BMPR1A: variants seen among roughly 807,000 people sequenced by gnomAD.
BMPR1A encodes bone morphogenetic protein receptor type-1A.
BMPR1A carries 7 observed loss-of-function variants against 66.0 expected under a neutral mutation model. The observed-to-expected ratio is 0.11, with a 90% confidence interval of 0.06 to 0.20. The LOEUF is 0.20. Ranked by LOEUF, BMPR1A falls within the 10% of genes least tolerant of loss-of-function variation. BMPR1A has a pLI of 1.00. For missense variants in BMPR1A, 408 were observed against 669.1 expected (o/e 0.61, Z 4.31); for synonymous variants, 200 against 229.7 (o/e 0.87, Z 1.17).
intron 1 of BMPR1A, among the ~76,000 whole-genome samples, 176 bp from the exon 2 acceptor site, chr10:86,838,688 GC>G (rs1842386207): frequency 6.6e-6 from 1 of 151,904 alleles, no homozygotes; most frequent in African/African-American, 2.4e-5. Flanking sequence ...TAAAGCTTGG[GC>G]AGAGGTTGAG....
At chr10:86,832,480 AAAG>A (rs1842284562) in intron 1 of BMPR1A, among the ~76,000 whole-genome samples, 4 of 152,086 alleles carry the variant, frequency 2.6e-5, no homozygotes, top group Admixed American at 2.6e-4. Context: ...AAAAAAAAAA[AAAG>A]AAATCATTGA....
intron 7 of BMPR1A, among the ~76,000 whole-genome samples, chr10:86,911,154 CAAA>C (rs35449069): frequency 7.2e-5 from 6 of 82,850 alleles, no homozygotes; most frequent in Admixed American, 1.4e-4. Context: ...GACCCTGTCT[CAAA>C]AAAAAAAAAA....
chr10:86,842,644 G>T (rs1252593636), intron 2 of BMPR1A, among the ~76,000 whole-genome samples: 1 of 152,124 alleles, frequency 6.6e-6, no homozygotes, highest in African/African-American at 2.4e-5. Flanking sequence ...TGATGGTTGT[G>T]TTAGTCAGTT....
chr10:86,764,464 TG>T (rs1238198173), intron 1 of BMPR1A, among the ~76,000 whole-genome samples: 5 of 149,374 alleles, frequency 3.3e-5, no homozygotes, highest in African/African-American at 1.2e-4. Context: ...AATAAAAATG[TG>T]GGGGAAAAAT....
rs1022061668 is a variant in BMPR1A, at chr10:86,921,028, G to T, written c.1167-492G>T. Among the ~76,000 whole-genome samples the T allele has an allele frequency of 9.9e-5, 15 of 151,820 alleles. No individual in the cohort carries two copies. In the East Asian group the frequency reaches 1.4e-3, roughly 14 times the overall value. The stretch of plus-strand genomic sequence containing the variant: ...GTGCCACCAACCCTGGTTAACTTTT[G>T]TATTTTATAGAGACAGTGTTTTACC... On this transcript the variant is annotated intron_variant, in intron 10 of 12. Transcript: ENST00000372037.
Position 86,876,638 on chromosome 10 carries a change from C to CCAGGTGTGATGA in BMPR1A, c.67+554_67+555insAGGTGTGATGAC, listed in dbSNP as rs543700655. On this transcript the variant is annotated intron_variant, in intron 3 of 12. Coordinates refer to ENST00000372037, the MANE Select transcript of BMPR1A (RefSeq NM_004329.3). ...CTTTACCAAAAAATACAAAAATTAG[C>CCAGGTGTGATGA]CGGGGGCCTGTAATCCCAGCTACTC... is the stretch of plus-strand genomic sequence containing the variant. Among the ~76,000 whole-genome samples, 16 of 151,950 alleles carry CCAGGTGTGATGA rather than the reference C, an allele frequency of 1.1e-4. No individual in the cohort carries two copies. In the East Asian group the frequency reaches 1.4e-3, roughly 13 times the overall value.
chr10:86,765,102 T>C (rs149858588), intron 1 of BMPR1A, among the ~76,000 whole-genome samples: 19 of 152,246 alleles, frequency 1.2e-4, no homozygotes, highest in African/African-American at 3.9e-4. Context: ...ATGTGGCAAC[T>C]AGAAAGTTTA....
At chr10:86,767,537 A>T (rs1841186378) in intron 1 of BMPR1A, among the ~76,000 whole-genome samples, 1 of 152,024 alleles carries the variant, frequency 6.6e-6, no homozygotes, top group Admixed American at 6.6e-5. Flanking sequence ...AATCAATGAG[A>T]TGTGGTGGTA....
intron 2 of BMPR1A, among the ~76,000 whole-genome samples, chr10:86,846,949 C>G (rs1842493263): frequency 6.6e-6 from 1 of 151,990 alleles, no homozygotes; most frequent in Admixed American, 6.6e-5. Flanking sequence ...GTTTTGATCC[C>G]TCTCCAGTTT....
chr10:86,773,783 T>TTAAATAGAC (rs1437150797), intron 1 of BMPR1A, among the ~76,000 whole-genome samples: 1 of 151,908 alleles, frequency 6.6e-6, no homozygotes, highest in East Asian at 1.9e-4. Context: ...AAAAGATATC[T>TTAAATAGAC]TAAATAGACT....
chr10:86,861,219 A>ATTCTG lies in BMPR1A; in HGVS notation c.-152-14648_-152-14647insTTCTG, dbSNP rs1200907314. 2.0e-4 allele frequency among the ~76,000 whole-genome samples: 30 copies of ATTCTG among 152,332 alleles called. No homozygotes were observed. In the East Asian group the frequency reaches 5.0e-3, roughly 25 times the overall value. On this transcript the variant is annotated intron_variant, in intron 2 of 12. Transcript: ENST00000372037. ...TAACGCAGAATAAAGAAAATAAAGTACAGATATTTCATTCCCAAGGCGGGG... is the reference window on the plus strand; with the variant it reads ...TAACGCAGAATAAAGAAAATAAAGTATTCTGCAGATATTTCATTCCCAAGGCGGGG...
At chr10:86,777,996 A>G (rs901324570) in intron 1 of BMPR1A, among the ~76,000 whole-genome samples, 4 of 148,788 alleles carry the variant, frequency 2.7e-5, no homozygotes, top group African/African-American at 9.7e-5. Flanking sequence ...CTGGGTAACA[A>G]GAGCGAAACT....
intron 2 of BMPR1A, among the ~76,000 whole-genome samples, chr10:86,847,675 C>G (rs1448558496): frequency 6.6e-6 from 1 of 151,910 alleles, no homozygotes; most frequent in African/African-American, 2.4e-5. Context: ...TAAAAATACA[C>G]ACACACGTGT....
chr10:86,839,422 G>A (rs1394393090), intron 2 of BMPR1A, among the ~76,000 whole-genome samples: 1 of 151,720 alleles, frequency 6.6e-6, no homozygotes, highest in African/African-American at 2.4e-5. Flanking sequence ...GCGAAATCTC[G>A]TCTCTACTAA....
At chr10:86,867,982 G>C (rs1388857297) in intron 2 of BMPR1A, among the ~76,000 whole-genome samples, 3 of 152,184 alleles carry the variant, frequency 2.0e-5, no homozygotes, top group Admixed American at 1.3e-4. Flanking sequence ...GGGAAAGGTA[G>C]AGTTGGAAAG....
intron 3 of BMPR1A, among the ~76,000 whole-genome samples, chr10:86,888,399 C>G (rs964386652): frequency 6.6e-6 from 1 of 151,926 alleles, no homozygotes; most frequent in South Asian, 2.1e-4. Flanking sequence ...ACCTGGGAGG[C>G]GGAGGTTGCA....
chr10:86,771,130 TATG>T (rs1256565312), intron 1 of BMPR1A, among the ~76,000 whole-genome samples: 2 of 152,250 alleles, frequency 1.3e-5, no homozygotes, highest in African/African-American at 2.4e-5. Context: ...CTGTATATTA[TATG>T]ATAACCCTTT....
chr10:86,793,094 A>ACCTCCCCCCCCCCCCCCCCCCCCCCCC (rs1841653170), intron 1 of BMPR1A, among the ~76,000 whole-genome samples: 1 of 106,032 alleles, frequency 9.4e-6, no homozygotes, highest in Admixed American at 1.0e-4. Context: ...CCTGATCTAT[A>ACCTCCCCCCCCCCCCCCCCCCCCCCCC]CCCCCCCCCA....
chr10:86,854,194 G>A (rs189381905), intron 2 of BMPR1A, among the ~76,000 whole-genome samples: 4 of 152,152 alleles, frequency 2.6e-5, no homozygotes, highest in Non-Finnish European at 4.4e-5. Context: ...TGTTCCGCCC[G>A]GCTCACCGGC....
Sources: allele counts gnomAD v4.1 joint callset (sites outside exome capture counted in the v4.1 genomes callset), GRCh38; gene constraint gnomAD v4.1.1; transcripts MANE v1.5; gene names NCBI Gene and HGNC (gene_info 2026-07-23, HGNC 2026-07-21).